Variants in RNF157 observed in about 807,000 individuals in gnomAD.
RNF157 encodes E3 ubiquitin ligase RNF157.
In RNF157, 55 loss-of-function variants were observed where a neutral mutation model predicts 88.3. That is an observed-to-expected ratio of 0.62 (90% CI 0.50 to 0.78). The LOEUF is 0.78. Ranked by LOEUF, RNF157 falls within the 30% of genes least tolerant of loss-of-function variation. The probability of loss-of-function intolerance (pLI) is 0.00; values close to 1 mark genes in which losing one functional copy is unlikely to be tolerated. For missense variants in RNF157, 788 were observed against 860.8 expected, an observed-to-expected ratio of 0.92 and a Z score of 1.06; for synonymous variants, 334 against 341.2, an observed-to-expected ratio of 0.98 and a Z score of 0.23.
intron 3 of RNF157, among the ~76,000 whole-genome samples, chr17:76,169,965 C>G (rs2068989566): frequency 6.6e-6 from 1 of 152,192 alleles, no homozygotes; most frequent in Non-Finnish European, 1.5e-5. Flanking sequence ...GAATCTGTGG[C>G]TGTCTGCTTG....
rs573726220 is a variant in RNF157 at position 76,169,578 on chromosome 17, G to A, written c.297-1781C>T. Among the ~76,000 whole-genome samples the A allele has an allele frequency of 2.2e-3, 313 of 140,772 alleles. 1 individual carries two copies. The highest frequency in any genetic ancestry group is 8.2e-3 in the African/African-American group (296 of 36,244). 92.4% of individuals were successfully genotyped at this position (140,772 alleles called of 152,430 possible). On this transcript the variant is annotated intron_variant, in intron 3 of 18. Coordinates refer to ENST00000269391, the MANE Select transcript of RNF157 (RefSeq NM_052916.3). ...TGAGCCACCACACCCGGCCTAGTTA[G>A]GTTTTTTTTTTTTTTTTTTGAGATG... is the stretch of plus-strand genomic sequence containing the variant.
At position 76,155,279 on chromosome 17, in the gene RNF157, G is replaced by A; in HGVS notation, c.1737C>T (p.Gly579=). The A allele has an allele frequency of 6.2e-7, 1 of 1,614,218 alleles. No individual in the cohort carries two copies. Among genetic ancestry groups the A allele is most frequent in the Non-Finnish European group, 8.5e-7 (1 of 1,180,026 alleles). ...CTGCATCCTGCTCTCCAGCTGGGAG[G>A]CCAGCAAAGTTGCTGTCTGGAGACT... ...PAESPDSNFA[G]LPAGEQDAEG... Residue 579 remains glycine, a synonymous_variant, in exon 16 of 19, where the codon GGC becomes GGT. Transcript: ENST00000269391.
At chr17:76,162,049 G>T in intron 9 of RNF157, 47 bp from the exon 10 acceptor site, 1 of 1,580,638 alleles carries the variant, frequency 6.3e-7, no homozygotes, top group Non-Finnish European at 8.6e-7. Flanking sequence ...AGCCCTTCCT[G>T]TCCCATACTT....
intron 3 of RNF157, among the ~76,000 whole-genome samples, chr17:76,168,537 C>T (rs1264277424): frequency 2.6e-5 from 4 of 151,770 alleles, no homozygotes; most frequent in African/African-American, 7.3e-5. Context: ...ATGCACCAAG[C>T]GGTCTATTCA....
At chr17:76,169,326 T>C (rs1459508122) in intron 3 of RNF157, among the ~76,000 whole-genome samples, 1 of 152,196 alleles carries the variant, frequency 6.6e-6, no homozygotes, top group Non-Finnish European at 1.5e-5. Context: ...ATAAACACTT[T>C]GTGTCATTGT....
At chr17:76,204,726 C>G (rs2069648493) in intron 2 of RNF157, among the ~76,000 whole-genome samples, 1 of 151,846 alleles carries the variant, frequency 6.6e-6, no homozygotes, top group South Asian at 2.1e-4. Flanking sequence ...TCTATCTGTA[C>G]TAGAGAAAGA....
intron 1 of RNF157, among the ~76,000 whole-genome samples, chr17:76,223,537 T>A (rs2145055237): frequency 6.6e-6 from 1 of 152,234 alleles, no homozygotes; most frequent in East Asian, 1.9e-4. Flanking sequence ...TCCTGTACTG[T>A]AATAGGAAAA....
intron 2 of RNF157, among the ~76,000 whole-genome samples, chr17:76,192,986 T>C (rs1483051868): frequency 6.6e-6 from 1 of 152,010 alleles, no homozygotes; most frequent in Non-Finnish European, 1.5e-5. Flanking sequence ...CACACCTAGC[T>C]AATTTTTGAC....
chr17:76,165,424 C>T, intron 7 of RNF157, 78 bp downstream of exon 7: 1 of 1,464,116 alleles, frequency 6.8e-7, no homozygotes, highest in Non-Finnish European at 9.6e-7. Context: ...GCTCAGGCAC[C>T]CAGCAAACGG....
intron 2 of RNF157, among the ~76,000 whole-genome samples, chr17:76,202,966 A>G (rs933939999): frequency 2.6e-5 from 4 of 152,200 alleles, no homozygotes; most frequent in African/African-American, 9.7e-5. Context: ...TTATAGAATT[A>G]ATTTTCTAAA....
At chr17:76,218,791 GGGAGTGA>G in intron 1 of RNF157, among the ~76,000 whole-genome samples, 1 of 151,864 alleles carries the variant, frequency 6.6e-6, no homozygotes, top group African/African-American at 2.4e-5. Context: ...AAAATTAGCC[GGGAGTGA>G]TGGCATGTGT....
In RNF157 at chr17:76,173,784, A is replaced by T. The variant is rs2144881309; in HGVS notation, c.214T>A (p.Tyr72Asn). 1 of 1,608,604 alleles carries T rather than the reference A, an allele frequency of 6.2e-7. No homozygotes were observed. Among genetic ancestry groups the T allele is most frequent in the South Asian group, 1.1e-5 (1 of 90,172 alleles). ...GGTTCTTGGGGAGGTGGGGCGGCGT[A>T]AGGAAACTGTGTCAGAAACAAAGCA... ...FLGNRPVVFP[Y>N]AAPPPQEPVK... is the part of the protein sequence containing the mutation. Residue 72 changes from tyrosine (Y) to asparagine (N), a missense_variant, in exon 3 of 19, where the codon TAC becomes AAC. By Grantham distance (143) the Tyr-to-Asn change is moderately radical. Coordinates refer to ENST00000269391, the MANE Select transcript of RNF157 (RefSeq NM_052916.3).
At chr17:76,159,270 CAAGG>C in intron 12 of RNF157, 61 bp downstream of exon 12, 1 of 1,421,252 alleles carries the variant, frequency 7.0e-7, no homozygotes, top group South Asian at 1.2e-5. Context: ...GGGCCAGCAC[CAAGG>C]AGGGATGAAG....
intron 2 of RNF157, among the ~76,000 whole-genome samples, chr17:76,178,265 C>T (rs967219045): frequency 1.3e-5 from 2 of 152,250 alleles, no homozygotes; most frequent in Non-Finnish European, 2.9e-5. Flanking sequence ...TAGTTCCTGG[C>T]ATCTCCAAGC....
At chr17:76,194,993 T>C (rs548933731) in intron 2 of RNF157, among the ~76,000 whole-genome samples, 24 of 152,064 alleles carry the variant, frequency 1.6e-4, no homozygotes, top group South Asian at 1.2e-3. Context: ...CCAGCCTGGG[T>C]GACAGAGCGA....
At chr17:76,201,376 G>T (rs894108975) in intron 2 of RNF157, among the ~76,000 whole-genome samples, 2 of 151,546 alleles carry the variant, frequency 1.3e-5, no homozygotes, top group Admixed American at 6.6e-5. Context: ...GCTGTGCATG[G>T]TGTCATGTAT....
chr17:76,163,855 A>G (rs1463075448), intron 8 of RNF157: 3 of 152,350 alleles, frequency 2.0e-5, no homozygotes, highest in Admixed American at 1.3e-4. Flanking sequence ...GCCTGAGCCC[A>G]GGATCTGTTT....
Position 76,212,498 on chromosome 17 carries a change from C to CA in RNF157, c.89-17dup, listed in dbSNP as rs777405833. 50 of 1,418,384 alleles carry CA rather than the reference C, an allele frequency of 3.5e-5. No homozygotes were observed. The highest frequency in any genetic ancestry group is 1.1e-4 in the East Asian group (5 of 43,640). The allele number at this position is 1,418,384 out of a possible 1,614,324, so 87.9% of individuals were successfully genotyped here. ...AAATAGCTTCCTAGAGAGGAACAAA[C>CA]AAAAAAAATCAAACAAGCAGAAAAC... On this transcript the variant is annotated splice_polypyrimidine_tract_variant and intron_variant, in intron 1 of 18. Transcript: ENST00000269391.
chr17:76,200,595 G>A (rs943519653), intron 2 of RNF157, among the ~76,000 whole-genome samples: 7 of 152,156 alleles, frequency 4.6e-5, no homozygotes, highest in Admixed American at 4.6e-4. Flanking sequence ...TGTCCAGTGG[G>A]GACAGAGTTT....
Sources: gnomAD v4.1 joint callset for allele counts (sites outside exome capture counted in the v4.1 genomes callset) on GRCh38, gnomAD v4.1.1 for gene constraint, MANE v1.5 for transcripts, NCBI Gene and HGNC (gene_info 2026-07-23, HGNC 2026-07-21) for gene names.